ERMAP: variants seen among roughly 807,000 people sequenced by gnomAD.
ERMAP encodes erythroblast membrane associated protein (Scianna blood group), also known as erythroid membrane-associated protein.
A neutral mutation model predicts 49.5 loss-of-function variants in ERMAP; 34 were observed. That is an observed-to-expected ratio of 0.69 (90% CI 0.52 to 0.91). The LOEUF (loss-of-function observed/expected upper bound fraction) is 0.91, where lower values mean the gene tolerates loss of function less well. Among genes scored for constraint, ERMAP ranks in the 40% least tolerant of loss-of-function variants. The pLI is 0.00. For missense variants in ERMAP, 541 were observed against 582.6 expected (o/e 0.93, Z 0.74); for synonymous variants, 214 against 232.2 (o/e 0.92, Z 0.71).
intron 6 of ERMAP, 92 bp from the exon 7 acceptor site, chr1:42,837,066 G>A (rs999743439): frequency 3.8e-6 from 5 of 1,319,506 alleles, no homozygotes; most frequent in South Asian, 1.2e-5. Flanking sequence ...AGATAGAGGT[G>A]GACAGGTCCA....
intron 11 of ERMAP, among the ~76,000 whole-genome samples, chr1:42,840,646 CTCTT>C (rs1655033058): frequency 6.6e-6 from 1 of 152,080 alleles, no homozygotes; most frequent in African/African-American, 2.4e-5. Flanking sequence ...TTTGTGAAGA[CTCTT>C]TCTAGATAAA....
At chr1:42,838,041 G>C (rs886879709) in intron 7 of ERMAP, 1 of 152,188 alleles carries the variant, frequency 6.6e-6, no homozygotes, top group African/African-American at 2.4e-5. Flanking sequence ...TCACTTACTA[G>C]CTGGAAGACC....
chr1:42,843,390 G>T lies in ERMAP; in HGVS notation c.*158G>T. 1 of 550,260 alleles carries T rather than the reference G, an allele frequency of 1.8e-6. No homozygotes were observed. The highest frequency in any genetic ancestry group is 3.1e-6 in the Non-Finnish European group (1 of 321,570). 34.1% of individuals were successfully genotyped at this position (550,260 alleles called of 1,614,324 possible). A position where few individuals can be genotyped will look rare whatever the true frequency, so the allele number is the denominator to read the frequency against. On this transcript the variant is annotated 3_prime_UTR_variant, in exon 12 of 12. Transcript: ENST00000372517. ...TGTACCACTTTTCTCCCAGGCCTCAGTTCTGAAGCTTACCTTTCTTCTAAG... is the reference window on the plus strand; with the variant it reads ...TGTACCACTTTTCTCCCAGGCCTCATTTCTGAAGCTTACCTTTCTTCTAAG...
At chr1:42,833,792 A>T (rs1654817474) in intron 4 of ERMAP, among the ~76,000 whole-genome samples, 1 of 152,126 alleles carries the variant, frequency 6.6e-6, no homozygotes, top group Non-Finnish European at 1.5e-5. Flanking sequence ...CCTGAGCTGT[A>T]GTGATACTCC....
At chr1:42,828,498 A>AT (rs397980007) in intron 2 of ERMAP, among the ~76,000 whole-genome samples, 150 of 142,076 alleles carry the variant, frequency 1.1e-3, no homozygotes, top group East Asian at 7.0e-3. Context: ...TTTTAAAAAA[A>AT]TTTTTTTTTT....
intron 2 of ERMAP, among the ~76,000 whole-genome samples, chr1:42,828,605 C>A (rs1654624108): frequency 1.3e-5 from 2 of 151,972 alleles, no homozygotes; most frequent in African/African-American, 4.8e-5. Flanking sequence ...AAGAAATCCT[C>A]CCACCTCAAC....
intron 4 of ERMAP, among the ~76,000 whole-genome samples, chr1:42,831,904 T>C (rs1159092226): frequency 2.6e-5 from 4 of 151,976 alleles, no homozygotes; most frequent in African/African-American, 9.7e-5. Context: ...AGCTTCAATA[T>C]TTAAAAAAAA....
intron 6 of ERMAP, 191 bp from the exon 7 acceptor site, chr1:42,836,967 T>C (rs1332381544): frequency 3.5e-6 from 2 of 577,760 alleles, no homozygotes; most frequent in Non-Finnish European, 6.3e-6. Flanking sequence ...CCAGAGGGAT[T>C]AAGACAGGAT....
chr1:42,842,174 T>C (rs1475524105), intron 11 of ERMAP, among the ~76,000 whole-genome samples: 2 of 152,308 alleles, frequency 1.3e-5, no homozygotes, highest in African/African-American at 2.4e-5. Flanking sequence ...CACTAAGCCC[T>C]ACCTCTGAAC....
chr1:42,822,129 A>C (rs946778770), intron 1 of ERMAP, among the ~76,000 whole-genome samples: 1 of 151,824 alleles, frequency 6.6e-6, no homozygotes, highest in African/African-American at 2.4e-5. Flanking sequence ...CTTTTTTGAA[A>C]CAAAAATATT....
At position 42,831,169 on chromosome 1, in the gene ERMAP, A is replaced by T. The variant is rs1435004643; in HGVS notation, c.433+54A>T. 2.6e-6 allele frequency: 4 copies of T among 1,567,476 alleles called. No homozygotes were observed. In the Admixed American group the frequency reaches 5.5e-5, roughly 22 times the overall value. ...CATTTGTGGCAATTGGACAAGCTTAATCAGGACCTACTTTGTCTCTCCATG... is the reference window on the plus strand; with the variant it reads ...CATTTGTGGCAATTGGACAAGCTTATTCAGGACCTACTTTGTCTCTCCATG... On this transcript the variant is annotated intron_variant, in intron 4 of 11. Transcript: ENST00000372517.
chr1:42,820,845 T>C (rs1654386207), intron 1 of ERMAP, among the ~76,000 whole-genome samples: 2 of 152,190 alleles, frequency 1.3e-5, no homozygotes, highest in South Asian at 4.1e-4. Context: ...AGTTGGAGCT[T>C]ATCCTCAGAC....
intron 11 of ERMAP, among the ~76,000 whole-genome samples, chr1:42,841,368 A>G (rs1157232584): frequency 3.3e-5 from 5 of 152,204 alleles, no homozygotes; most frequent in Admixed American, 1.3e-4. Context: ...TTCTCTCTAT[A>G]TTAACATTTA....
At chr1:42,832,864 G>C (rs1216683284) in intron 4 of ERMAP, among the ~76,000 whole-genome samples, 2 of 152,360 alleles carry the variant, frequency 1.3e-5, no homozygotes, top group East Asian at 1.9e-4. Context: ...AGGAGGCTAT[G>C]GGGGAAGAGG....
At chr1:42,831,235 C>T in intron 4 of ERMAP, 120 bp downstream of exon 4, 1 of 1,240,918 alleles carries the variant, frequency 8.1e-7, no homozygotes, top group Non-Finnish European at 1.1e-6. Context: ...TTTTACTTGC[C>T]AGGATGGCTC....
intron 2 of ERMAP, among the ~76,000 whole-genome samples, chr1:42,829,562 G>A (rs1256498782): frequency 6.6e-6 from 1 of 152,228 alleles, no homozygotes; most frequent in East Asian, 1.9e-4. Context: ...TGGGGAAAGA[G>A]CTTTACAGGA....
At chr1:42,838,429 CAT>C (rs1654964949) in intron 7 of ERMAP, among the ~76,000 whole-genome samples, 1 of 152,214 alleles carries the variant, frequency 6.6e-6, no homozygotes, top group Non-Finnish European at 1.5e-5. Context: ...GTCTCATACA[CAT>C]GTCCCCAAAT....
chr1:42,817,291 T>G (rs760859644), intron 1 of ERMAP, 38 bp downstream of exon 1: 58 of 1,207,900 alleles, frequency 4.8e-5, no homozygotes, highest in Non-Finnish European at 6.2e-5. Context: ...GACCCAGCGC[T>G]GCCTGCCCAC....
chr1:42,843,331 T>C lies in ERMAP; in HGVS notation c.*99T>C. 1.2e-6 allele frequency: 1 copy of C among 836,902 alleles called. No individual in the cohort carries two copies. The highest frequency in any genetic ancestry group is 1.9e-5 in the South Asian group (1 of 52,430). 51.8% of individuals were successfully genotyped at this position (836,902 alleles called of 1,614,324 possible). ...ATGATTATGGAACGTCTCTTCACCTTAACCCAAATCCAGACCCTTTTGTGG... is the reference window on the plus strand; with the variant it reads ...ATGATTATGGAACGTCTCTTCACCTCAACCCAAATCCAGACCCTTTTGTGG... On this transcript the variant is annotated 3_prime_UTR_variant, in exon 12 of 12. Transcript: ENST00000372517.
Sources: allele counts gnomAD v4.1 joint callset (sites outside exome capture counted in the v4.1 genomes callset), GRCh38; gene constraint gnomAD v4.1.1; transcripts MANE v1.5; gene names NCBI Gene and HGNC (gene_info 2026-07-23, HGNC 2026-07-21).